Variants in HACE1 observed in about 807,000 individuals in gnomAD.
HACE1 encodes HECT domain and ankyrin repeat containing E3 ubiquitin protein ligase 1.
A neutral mutation model predicts 118.4 loss-of-function variants in HACE1; 73 were observed. The observed-to-expected ratio is 0.62, with a 90% CI of 0.51 to 0.75. HACE1 has a LOEUF of 0.75. Among genes scored for constraint, HACE1 ranks in the 30% least tolerant of loss-of-function variants. The pLI is 0.00. For missense variants in HACE1, 749 were observed against 1,102.2 expected (o/e 0.68, Z 4.54); for synonymous variants, 368 against 374.8 (o/e 0.98, Z 0.21).
chr6:104,735,626 G>A (rs1408331525), intron 22 of HACE1, among the ~76,000 whole-genome samples: 3 of 150,338 alleles, frequency 2.0e-5, no homozygotes, highest in Admixed American at 1.3e-4. Context: ...GCGAGACTCC[G>A]TCTCAAAAAA....
At chr6:104,815,889 A>C (rs1008696778) in intron 6 of HACE1, among the ~76,000 whole-genome samples, 1 of 151,024 alleles carries the variant, frequency 6.6e-6, no homozygotes, top group African/African-American at 2.4e-5. Context: ...CTTGGCCAAT[A>C]TGGTGAATCC....
At chr6:104,764,862 G>A (rs780777458) in intron 19 of HACE1, among the ~76,000 whole-genome samples, 34 of 152,062 alleles carry the variant, frequency 2.2e-4, no homozygotes, top group Middle Eastern at 3.2e-3. Context: ...ACATTTGCTC[G>A]TCACCATCAC....
intron 22 of HACE1, among the ~76,000 whole-genome samples, chr6:104,743,273 T>G (rs1277341630): frequency 2.6e-5 from 4 of 151,614 alleles, no homozygotes; most frequent in Non-Finnish European, 5.9e-5. Flanking sequence ...GTAACTAACC[T>G]GCACAATGTG....
At chr6:104,743,078 C>T (rs541953693) in intron 22 of HACE1, among the ~76,000 whole-genome samples, 46 of 149,172 alleles carry the variant, frequency 3.1e-4, no homozygotes, top group Non-Finnish European at 4.7e-4. Context: ...AACCAAACAC[C>T]GCGTATTCTC....
At chr6:104,812,404 C>A (rs1771722429) in intron 6 of HACE1, among the ~76,000 whole-genome samples, 1 of 151,892 alleles carries the variant, frequency 6.6e-6, no homozygotes, top group African/African-American at 2.4e-5. Flanking sequence ...TATATTACAC[C>A]ACTGCACTCC....
chr6:104,859,546 T>C, intron 1 of HACE1, 21 bp downstream of exon 1: 2 of 1,507,198 alleles, frequency 1.3e-6, no homozygotes, highest in Non-Finnish European at 1.8e-6. Flanking sequence ...GCGGCCAGCC[T>C]GGCCCCGCGA....
At position 104,791,484 on chromosome 6, in the gene HACE1, A is replaced by C. The variant is rs754283080; in HGVS notation, c.1074+20T>G. 1.9e-5 allele frequency: 30 copies of C among 1,595,554 alleles called. No individual in the cohort carries two copies. In the East Asian group the frequency reaches 6.7e-4, roughly 36 times the overall value. On this transcript the variant is annotated intron_variant, in intron 11 of 23. Coordinates refer to ENST00000262903, the MANE Select transcript of HACE1 (RefSeq NM_020771.4). ...CTCTTTTACGTCTATCTTCCTAACA[A>C]TGCCATATACTTTTCTCACCTTGAA...
chr6:104,824,882 G>A (rs1246943901), intron 6 of HACE1: 1 of 151,828 alleles, frequency 6.6e-6, no homozygotes. Context: ...GACCATCCTG[G>A]CTAACACGGT....
At chr6:104,827,239 T>C (rs1773428406) in intron 6 of HACE1, among the ~76,000 whole-genome samples, 1 of 152,130 alleles carries the variant, frequency 6.6e-6, no homozygotes, top group African/African-American at 2.4e-5. Flanking sequence ...AGATATTCAA[T>C]GATAAAACTC....
rs114705739 is a variant in HACE1 at position 104,757,637 on chromosome 6, A to G, written c.2212-7165T>C. On this transcript the variant is annotated intron_variant, in intron 19 of 23. Coordinates refer to ENST00000262903, the MANE Select transcript of HACE1 (RefSeq NM_020771.4). ...ATACCAAAAACCAGAACACCTCTTC[A>G]CCTCCAAAGGAACACAACTCCTGGC... is the stretch of plus-strand genomic sequence containing the variant. Among the ~76,000 whole-genome samples, 1,176 of 152,274 alleles carry G rather than the reference A, an allele frequency of 7.7e-3. 15 individuals are homozygous for G. Among genetic ancestry groups the G allele is most frequent in the African/African-American group, 0.026 (1,061 of 41,544 alleles).
At chr6:104,754,441 A>G (rs1222897499) in intron 19 of HACE1, among the ~76,000 whole-genome samples, 1 of 152,156 alleles carries the variant, frequency 6.6e-6, no homozygotes, top group African/African-American at 2.4e-5. Context: ...CAACCCCAAG[A>G]CATATAATCA....
chr6:104,826,211 G>A (rs975316542), intron 6 of HACE1, among the ~76,000 whole-genome samples: 3 of 152,128 alleles, frequency 2.0e-5, no homozygotes, highest in Non-Finnish European at 4.4e-5. Flanking sequence ...CCATGAAACT[G>A]GGCCCTAGTG....
At chr6:104,741,829 C>A (rs1776748887) in intron 22 of HACE1, among the ~76,000 whole-genome samples, 1 of 147,874 alleles carries the variant, frequency 6.8e-6, no homozygotes, top group African/African-American at 2.5e-5. Flanking sequence ...TCATATGGAA[C>A]CAAAAAAGAG....
At chr6:104,810,566 G>A (rs1385820715) in intron 7 of HACE1, among the ~76,000 whole-genome samples, 1 of 151,922 alleles carries the variant, frequency 6.6e-6, no homozygotes, top group African/African-American at 2.4e-5. Context: ...ATAATATGTA[G>A]GTGTGTATAT....
intron 7 of HACE1, among the ~76,000 whole-genome samples, 175 bp downstream of exon 7, chr6:104,811,136 G>T (rs575007266): frequency 2.6e-5 from 4 of 151,150 alleles, no homozygotes; most frequent in African/African-American, 9.7e-5. Context: ...CCTCTTAAAA[G>T]ACAGCATATT....
In HACE1 at chr6:104,760,370, C is replaced by T. The variant is rs193110520; in HGVS notation, c.2212-9898G>A. On this transcript the variant is annotated intron_variant, in intron 19 of 23. Coordinates refer to ENST00000262903, the MANE Select transcript of HACE1 (RefSeq NM_020771.4). ...CACCACGATCAAGTCGGCTTCATCC[C>T]TGGGATGCAAGGCTGGTTCAACATA... Among the ~76,000 whole-genome samples the T allele has an allele frequency of 3.4e-4, 52 of 152,312 alleles. No individual in the cohort carries two copies. In the East Asian group the frequency reaches 9.8e-3, roughly 29 times the overall value.
At chr6:104,797,532 C>T (rs937011810) in intron 7 of HACE1, among the ~76,000 whole-genome samples, 27 of 151,484 alleles carry the variant, frequency 1.8e-4, no homozygotes, top group African/African-American at 6.5e-4. Flanking sequence ...AAAAGTAAAA[C>T]CAATGTAAGA....
chr6:104,781,539 A>C (rs914364307), intron 14 of HACE1, among the ~76,000 whole-genome samples: 6 of 152,130 alleles, frequency 3.9e-5, no homozygotes, highest in African/African-American at 1.4e-4. Context: ...AATTCAACAC[A>C]AGGTTCCTTC....
At chr6:104,749,349 CA>C (rs1246302273) in intron 20 of HACE1, among the ~76,000 whole-genome samples, 3 of 151,784 alleles carry the variant, frequency 2.0e-5, no homozygotes, top group Non-Finnish European at 4.4e-5. Context: ...TAAAAACAAT[CA>C]AAAAAACCTC....
Sources: allele counts gnomAD v4.1 joint callset (sites outside exome capture counted in the v4.1 genomes callset), GRCh38; gene constraint gnomAD v4.1.1; transcripts MANE v1.5; gene names NCBI Gene and HGNC (gene_info 2026-07-23, HGNC 2026-07-21).